The following MTA3 variants were observed in gnomAD, a reference collection of about 807,000 sequenced individuals.
The protein encoded by MTA3 is metastasis-associated protein MTA3.
In MTA3, 34 loss-of-function variants were observed where a neutral mutation model predicts 83.5. The ratio of observed to expected loss-of-function variants is 0.41; its 90% CI spans 0.31 to 0.54. The LOEUF (loss-of-function observed/expected upper bound fraction) is 0.54, where lower values mean the gene tolerates loss of function less well. Ranked by LOEUF, MTA3 falls within the 20% of genes least tolerant of loss-of-function variation. The pLI is 0.33. For missense variants in MTA3, 761 were observed against 726.4 expected, an observed-to-expected ratio of 1.05 and a Z score of -0.55; for synonymous variants, 303 against 252.7, an observed-to-expected ratio of 1.20 and a Z score of -1.89.
At chr2:42,545,602 A>C (rs771093375) in intron 2 of MTA3, among the ~76,000 whole-genome samples, 1 of 152,180 alleles carries the variant, frequency 6.6e-6, no homozygotes, top group Non-Finnish European at 1.5e-5. Context: ...TCTTATGTGT[A>C]AAATAAGGGT....
chr2:42,525,519 T>TC (rs1189340090), intron 2 of MTA3, among the ~76,000 whole-genome samples: 3 of 72,328 alleles, frequency 4.1e-5, no homozygotes, highest in Non-Finnish European at 8.8e-5. Flanking sequence ...CTTCCTTTCT[T>TC]CCCTTCCTTC....
chr2:42,642,745 A>C (rs1474378020), intron 5 of MTA3, among the ~76,000 whole-genome samples: 1 of 151,498 alleles, frequency 6.6e-6, no homozygotes, highest in Admixed American at 6.6e-5. Flanking sequence ...CCTGTGTTCA[A>C]GTGATTCTCC....
intron 14 of MTA3, among the ~76,000 whole-genome samples, chr2:42,718,160 A>G (rs530813956): frequency 6.7e-6 from 1 of 148,620 alleles, no homozygotes; most frequent in South Asian, 2.1e-4. Flanking sequence ...CCATGAAAAC[A>G]TCACATGGTT....
intron 4 of MTA3, among the ~76,000 whole-genome samples, chr2:42,612,527 A>G (rs1251637508): frequency 6.6e-6 from 1 of 151,992 alleles, no homozygotes; most frequent in Non-Finnish European, 1.5e-5. Flanking sequence ...CATTTATTTA[A>G]TTGGAAGACA....
chr2:42,556,668 C>T (rs1677407467), intron 2 of MTA3, among the ~76,000 whole-genome samples: 1 of 152,188 alleles, frequency 6.6e-6, no homozygotes, highest in Non-Finnish European at 1.5e-5. Context: ...CTGCAACCTT[C>T]AGCCAGAAAG....
At chr2:42,525,229 T>C (rs1430193043) in intron 2 of MTA3, among the ~76,000 whole-genome samples, 1 of 151,746 alleles carries the variant, frequency 6.6e-6, no homozygotes, top group Non-Finnish European at 1.5e-5. Context: ...GTTTGGGGTT[T>C]TGCTTTGTTG....
chr2:42,504,133 T>A (rs939878506), intron 2 of MTA3, among the ~76,000 whole-genome samples: 1 of 152,080 alleles, frequency 6.6e-6, no homozygotes, highest in Non-Finnish European at 1.5e-5. Flanking sequence ...TTTCGCTGTG[T>A]TGGACAGTCT....
upstream of MTA3, among the ~76,000 whole-genome samples, chr2:42,565,875 G>T (rs1466693110): frequency 9.9e-5 from 15 of 152,060 alleles, no homozygotes; most frequent in African/African-American, 3.4e-4. Context: ...GTGGTGATGG[G>T]CACCTGTAGT....
At chr2:42,637,338 T>A (rs1308138061) in intron 4 of MTA3, among the ~76,000 whole-genome samples, 1 of 152,214 alleles carries the variant, frequency 6.6e-6, no homozygotes, top group Non-Finnish European at 1.5e-5. Flanking sequence ...TATTTAAGGA[T>A]TAAAATATCG....
At chr2:42,722,375 A>G (rs950788373) in intron 15 of MTA3, among the ~76,000 whole-genome samples, 2 of 152,168 alleles carry the variant, frequency 1.3e-5, no homozygotes, top group Admixed American at 1.3e-4. Flanking sequence ...GGTTTCATCT[A>G]TATCAAAATG....
At chr2:42,536,123 A>C (rs1166903429) in intron 2 of MTA3, among the ~76,000 whole-genome samples, 1 of 150,992 alleles carries the variant, frequency 6.6e-6, no homozygotes, top group Non-Finnish European at 1.5e-5. Context: ...CTCTCTCAAA[A>C]AAAAAAAAAG....
chr2:42,623,873 A>T (rs767892298), intron 4 of MTA3, among the ~76,000 whole-genome samples: 4 of 151,990 alleles, frequency 2.6e-5, no homozygotes, highest in Non-Finnish European at 5.9e-5. Context: ...TTGTATTTTA[A>T]GTAGAGACGG....
chr2:42,742,594 G>A (rs1319875845), intron 16 of MTA3, among the ~76,000 whole-genome samples: 2 of 152,118 alleles, frequency 1.3e-5, no homozygotes, highest in Non-Finnish European at 2.9e-5. Flanking sequence ...GGGAAAAAAA[G>A]GAAGAAGAGA....
At chr2:42,653,224 C>T (rs761578364) in intron 6 of MTA3, among the ~76,000 whole-genome samples, 2 of 151,982 alleles carry the variant, frequency 1.3e-5, no homozygotes, top group South Asian at 2.1e-4. Flanking sequence ...TAGGGGAGAT[C>T]GTCATGGTCT....
chr2:42,713,675 CTA>C (rs1666806334), intron 14 of MTA3, among the ~76,000 whole-genome samples: 4 of 152,192 alleles, frequency 2.6e-5, no homozygotes, highest in African/African-American at 2.4e-5. Flanking sequence ...TTGTTTGTTT[CTA>C]TATGATATTA....
intron 16 of MTA3, among the ~76,000 whole-genome samples, chr2:42,725,343 AGATGTGACT>A (rs1667733718): frequency 6.6e-6 from 1 of 152,352 alleles, no homozygotes; most frequent in East Asian, 1.9e-4. Context: ...ATTCCCACTC[AGATGTGACT>A]GATTTCAGAA....
At position 42,625,512 on chromosome 2, in the gene MTA3, C is replaced by A. The variant is rs898407760; in HGVS notation, c.318-14661C>A. ...CTTTAATCCCAGCACTTTGGGAGGC[C>A]GAGGTGGGCGGATCATGAGGTCAGG... On this transcript the variant is annotated intron_variant, in intron 4 of 16. Transcript: ENST00000405094. Among the ~76,000 whole-genome samples the A allele has an allele frequency of 3.9e-4, 58 of 150,188 alleles. 3 individuals carry two copies. The highest frequency in any genetic ancestry group is 1.4e-3 in the African/African-American group (56 of 40,424).
chr2:42,711,783 AG>A (rs1402320554), intron 14 of MTA3, among the ~76,000 whole-genome samples: 2 of 147,630 alleles, frequency 1.4e-5, no homozygotes, highest in African/African-American at 2.5e-5. Flanking sequence ...AGAGAGAGAG[AG>A]TGTGTGTGTG....
At chr2:42,573,672 G>A (rs998326373) in intron 2 of MTA3, among the ~76,000 whole-genome samples, 1 of 151,940 alleles carries the variant, frequency 6.6e-6, no homozygotes, top group South Asian at 2.1e-4. Context: ...CACCATGCCT[G>A]GCTAATTTTT....
Sources: gnomAD v4.1 joint callset for allele counts (sites outside exome capture counted in the v4.1 genomes callset) on GRCh38, gnomAD v4.1.1 for gene constraint, MANE v1.5 for transcripts, NCBI Gene and HGNC (gene_info 2026-07-23, HGNC 2026-07-21) for gene names.